The following KIFC3 variants were observed in gnomAD, a reference collection of about 807,000 sequenced individuals.
The protein encoded by KIFC3 is kinesin family member C3.
A neutral mutation model predicts 101.8 loss-of-function variants in KIFC3; 60 were observed. The ratio of observed to expected loss-of-function variants is 0.59; its 90% confidence interval spans 0.48 to 0.73. The LOEUF (loss-of-function observed/expected upper bound fraction) is 0.73. Ranked by LOEUF, KIFC3 falls within the 30% of genes least tolerant of loss-of-function variation. The pLI is 0.00. For missense variants in KIFC3, 966 were observed against 1,137.1 expected (o/e 0.85, Z 2.16); for synonymous variants, 476 against 482.7 (o/e 0.99, Z 0.18).
chr16:57,802,242 G>A lies in KIFC3; in HGVS notation c.-40+128C>T, dbSNP rs973790892. 7.8e-5 allele frequency: 30 copies of A among 386,308 alleles called. No homozygotes were observed. Among genetic ancestry groups the A allele is most frequent in the Non-Finnish European group, 9.9e-5 (28 of 282,088 alleles). The allele number at this position is 386,308 out of a possible 1,614,324, so 23.9% of individuals were successfully genotyped here. On this transcript the variant is annotated intron_variant, in intron 1 of 19. Coordinates refer to ENST00000445690, the MANE Select transcript of KIFC3 (RefSeq NM_001130100.2). This position sits in a 1 kb window ranked among gnomAD's most constrained non-coding sequence, Gnocchi z 5.0. Reference sequence around the variant, plus strand: ...GGGTCTCCCGGGCCTTTCCCTCCCCGCGCCCATAGCGGGTCCGGGCAGAGG... The same window carrying A: ...GGGTCTCCCGGGCCTTTCCCTCCCCACGCCCATAGCGGGTCCGGGCAGAGG...
chr16:57,855,369 C>T (rs75108499), intron 1 of KIFC3, among the ~76,000 whole-genome samples: 13,354 of 151,844 alleles, frequency 0.088, 902 homozygotes, highest in East Asian at 0.27. Flanking sequence ...ATGTGATCTA[C>T]CCGCCTTGGC....
chr16:57,788,510 C>A, intron 3 of KIFC3: 1 of 1,235,306 alleles, frequency 8.1e-7, no homozygotes, highest in South Asian at 1.4e-5. Flanking sequence ...ACCAACTGCA[C>A]AAGAGCCTCC....
Position 57,758,795 on chromosome 16 carries a change from CACTCTCGCCTCT to C in KIFC3, c.*127_*138del. ...GGAGACGGGGCAGAAGAAGAGCCTCCACTCTCGCCTCTACCTCCGGGGGTCCTGGCGCTGCAG... is the reference window on the plus strand; with the variant it reads ...GGAGACGGGGCAGAAGAAGAGCCTCCACCTCCGGGGGTCCTGGCGCTGCAG... On this transcript the variant is annotated 3_prime_UTR_variant, in exon 20 of 20. Transcript: ENST00000445690. 1 of 1,326,556 alleles carries C rather than the reference CACTCTCGCCTCT, an allele frequency of 7.5e-7. No homozygotes were observed. Among genetic ancestry groups the C allele is most frequent in the Non-Finnish European group, 1.1e-6 (1 of 924,602 alleles). 82.2% of individuals were successfully genotyped at this position (1,326,556 alleles called of 1,614,324 possible).
intron 1 of KIFC3, chr16:57,816,174 C>T (rs1555628739): frequency 8.0e-7 from 1 of 1,256,396 alleles, no homozygotes; most frequent in Non-Finnish European, 1.0e-6. Context: ...GAGGGTGCTC[C>T]CACTTCTAAT....
At chr16:57,803,109 C>A (rs562963400), upstream of KIFC3, 545 of 1,330,302 alleles carry the variant, frequency 4.1e-4, no homozygotes, top group Non-Finnish European at 5.5e-4. Context: ...TACCTCTGCA[C>A]CCCCAGCCCC....
intron 5 of KIFC3, 23 bp from the exon 6 acceptor site, chr16:57,771,460 G>T (rs1284850694): frequency 6.2e-7 from 1 of 1,613,210 alleles, no homozygotes; most frequent in Non-Finnish European, 8.5e-7. Flanking sequence ...GGAGGCACTG[G>T]ATGAGTGCAA....
chr16:57,775,192 C>T lies in KIFC3; in HGVS notation c.316-2904G>A, dbSNP rs567509713. 170 of 1,331,612 alleles carry T rather than the reference C, an allele frequency of 1.3e-4. 1 individual carries two copies. The African/African-American group carries it at 1.8e-3, about 14-fold the overall frequency. 82.5% of individuals were successfully genotyped at this position (1,331,612 alleles called of 1,614,324 possible). A position where few individuals can be genotyped will look rare whatever the true frequency, so the allele number is the denominator to read the frequency against. On this transcript the variant is annotated intron_variant, in intron 3 of 19. Coordinates refer to ENST00000445690, the MANE Select transcript of KIFC3 (RefSeq NM_001130100.2). The stretch of plus-strand genomic sequence containing the variant: ...AGAGGGGCACCCAAAAGGAAGTGGC[C>T]GCAACCGCAACCAGGGCAGGCTGGG...
intron 3 of KIFC3, among the ~76,000 whole-genome samples, chr16:57,793,023 A>G (rs2054003555): frequency 6.6e-6 from 1 of 152,208 alleles, no homozygotes. Flanking sequence ...ACTGTGGCTC[A>G]TGCCTGTAAT....
chr16:57,816,377 G>C, intron 1 of KIFC3: 1 of 723,780 alleles, frequency 1.4e-6, no homozygotes, highest in Non-Finnish European at 2.1e-6. Context: ...CTTGAGGAAG[G>C]CCTCAGAAGA....
In KIFC3 at chr16:57,795,114, C is replaced by T; in HGVS notation, c.200G>A (p.Gly67Asp). Residue 67 changes from glycine to aspartate, a missense_variant, in exon 3 of 20, where the codon GGT (glycine) becomes GAT (aspartate). Gly to Asp is a moderately conservative substitution (Grantham distance 94). This residue lies in a region of KIFC3 where 277 missense variants were observed against 252.5 expected (regional missense o/e 1.10). Coordinates refer to ENST00000445690, the MANE Select transcript of KIFC3 (RefSeq NM_001130100.2). ...TGRGKDTPVC[G>D]DEDSSARSAA... ...ACTTCGGGCACTGGAGTCCTCGTCA[C>T]CGCAGACTGGGGTATCTTTTCCACG... 6.2e-7 allele frequency: 1 copy of T among 1,611,632 alleles called. No homozygotes were observed. The highest frequency in any genetic ancestry group is 8.5e-7 in the Non-Finnish European group (1 of 1,179,042).
At position 57,769,993 on chromosome 16, in the gene KIFC3, C is replaced by T. The variant is rs372184713; in HGVS notation, c.940-38G>A. ...GGAAAAGGCTCAGTACCTCGAGGTG[C>T]GGGAGAGAGAGGGGCAGGTGCCACA... On this transcript the variant is annotated intron_variant, in intron 7 of 19. Coordinates refer to ENST00000445690, the MANE Select transcript of KIFC3 (RefSeq NM_001130100.2). This position sits in a 1 kb window ranked among gnomAD's most constrained non-coding sequence, Gnocchi z 4.3. 3.0e-5 allele frequency: 47 copies of T among 1,592,536 alleles called. No homozygotes were observed. The highest frequency in any genetic ancestry group is 1.7e-4 in the Middle Eastern group (1 of 5,990).
intron 3 of KIFC3, among the ~76,000 whole-genome samples, chr16:57,789,062 A>G (rs577615746): frequency 2.6e-5 from 4 of 152,224 alleles, no homozygotes; most frequent in Non-Finnish European, 5.9e-5. Context: ...CGGTGCGCAC[A>G]CCCCACAGGC....
chr16:57,780,592 A>AG (rs1192274029), intron 3 of KIFC3, among the ~76,000 whole-genome samples: 1 of 149,142 alleles, frequency 6.7e-6, no homozygotes, highest in Non-Finnish European at 1.5e-5. Flanking sequence ...AAAAAAAAAA[A>AG]GAAGAAGGCA....
intron 3 of KIFC3, chr16:57,776,052 T>C (rs2052030126): frequency 1.0e-6 from 1 of 985,348 alleles, no homozygotes; most frequent in African/African-American, 1.7e-5. Context: ...AGCCCAGGTC[T>C]TTGTGTTTTC....
intron 1 of KIFC3, among the ~76,000 whole-genome samples, chr16:57,841,763 G>T (rs1275459467): frequency 6.6e-6 from 1 of 152,050 alleles, no homozygotes; most frequent in African/African-American, 2.4e-5. Flanking sequence ...TCTCAAATGC[G>T]CGTTGCCCTC....
At chr16:57,835,781 C>G (rs914321904) in intron 1 of KIFC3, among the ~76,000 whole-genome samples, 1 of 152,150 alleles carries the variant, frequency 6.6e-6, no homozygotes, top group African/African-American at 2.4e-5. Flanking sequence ...GAAACCCTGT[C>G]TCTACTAAAA....
At chr16:57,862,531 G>A (rs1368139994) in intron 1 of KIFC3, among the ~76,000 whole-genome samples, 1 of 152,120 alleles carries the variant, frequency 6.6e-6, no homozygotes, top group Non-Finnish European at 1.5e-5. Context: ...CAAGTAATAT[G>A]TGTATTCAAT....
intron 12 of KIFC3, 62 bp downstream of exon 12, chr16:57,764,081 G>A: frequency 5.0e-6 from 6 of 1,190,754 alleles, no homozygotes; most frequent in Non-Finnish European, 7.5e-6. Flanking sequence ...CAAGACCAAT[G>A]AGGGAGCCCG....
rs2049941528 is a variant in KIFC3, at chr16:57,762,165, CA to C, written c.1722del (p.Ala575ArgfsTer12). On this transcript the variant is annotated frameshift_variant, in exon 13 of 20. Transcript: ENST00000445690. LOFTEE classifies it high-confidence loss of function. Reference protein sequence around the residue: ...SDWEYTITVSAAEIYNEVLRD... With the variant: ...SDWEYTITVSXAEIYNEVLRD... ...CTGAGGACCTCATTGTAGATCTCCG[CA>C]GCGCTGACGGTGATGGTGTACTCCC... 3 of 1,607,332 alleles carry C rather than the reference CA, an allele frequency of 1.9e-6. No individual in the cohort carries two copies. The highest frequency in any genetic ancestry group is 2.5e-6 in the Non-Finnish European group (3 of 1,177,652).
Sources: allele counts gnomAD v4.1 joint callset (sites outside exome capture counted in the v4.1 genomes callset), GRCh38; gene constraint gnomAD v4.1.1; regional missense constraint gnomAD v4.1.1; non-coding constraint Gnocchi (gnomAD v3.1); transcripts MANE v1.5; gene names NCBI Gene and HGNC (gene_info 2026-07-23, HGNC 2026-07-21).